Variants in TRAPPC8 observed in about 807,000 individuals in gnomAD.
TRAPPC8 encodes trafficking protein particle complex subunit 8, also known as general sporulation gene 1 homolog.
A neutral mutation model predicts 174.3 loss-of-function variants in TRAPPC8; 54 were observed. The ratio of observed to expected loss-of-function variants is 0.31; its 90% CI spans 0.25 to 0.39. TRAPPC8 has a LOEUF of 0.39. TRAPPC8 is among the 10% of genes least tolerant of loss of function. TRAPPC8 has a pLI of 1.00. For missense variants in TRAPPC8, 1,531 were observed against 1,699.1 expected (o/e 0.90, Z 1.74); for synonymous variants, 630 against 579.9 (o/e 1.09, Z -1.24).
At chr18:31,876,758 T>C (rs185878896) in intron 12 of TRAPPC8, among the ~76,000 whole-genome samples, 90 of 151,988 alleles carry the variant, frequency 5.9e-4, no homozygotes, top group African/African-American at 2.0e-3. Context: ...CCTCTGACCA[T>C]CTGTTCACCA....
At chr18:31,839,505 T>C in intron 26 of TRAPPC8, 48 bp from the exon 27 acceptor site, 1 of 1,502,708 alleles carries the variant, frequency 6.7e-7, no homozygotes, top group Non-Finnish European at 8.9e-7. Context: ...ACTACCTTGT[T>C]TAAAAAAAAA....
chr18:31,893,372 T>G (rs2036042741), intron 11 of TRAPPC8, among the ~76,000 whole-genome samples: 1 of 146,684 alleles, frequency 6.8e-6, no homozygotes, highest in African/African-American at 2.5e-5. Flanking sequence ...TCCTAGTATT[T>G]GCTTCTAGGT....
In TRAPPC8 at chr18:31,857,995, G is replaced by A. The variant is rs769630758; in HGVS notation, c.2746-13C>T. 1.2e-5 allele frequency: 19 copies of A among 1,550,090 alleles called. No homozygotes were observed. In the East Asian group the frequency reaches 4.3e-4, roughly 35 times the overall value. On this transcript the variant is annotated splice_polypyrimidine_tract_variant and intron_variant, in intron 19 of 28. Transcript: ENST00000283351. Reference sequence around the variant, plus strand: ...GTATAAAGAACACCTGCATTGGAGGGAAAAAATATTATTATTTGTCTGTTA... The same window carrying A: ...GTATAAAGAACACCTGCATTGGAGGAAAAAAATATTATTATTTGTCTGTTA...
Position 31,857,695 on chromosome 18 carries a change from T to C in TRAPPC8, c.3033A>G (p.Gln1011=), listed in dbSNP as rs778651622. Residue 1011 remains glutamine, a synonymous_variant, in exon 20 of 29, where the codon CAA becomes CAG. Coordinates refer to ENST00000283351, the MANE Select transcript of TRAPPC8 (RefSeq NM_014939.5). ...GAAGGGGAACAGGAATCACCTCTGG[T>C]TGACTTCCTGTGCCAATGCCAAAGT... ...SVDFGIGTGS[Q]PEVIPVPLPD... 40 of 1,614,066 alleles carry C rather than the reference T, an allele frequency of 2.5e-5. 1 individual carries two copies. The South Asian group carries it at 4.0e-4, about 16-fold the overall frequency.
chr18:31,937,273 G>A (rs1480609615), intron 1 of TRAPPC8, among the ~76,000 whole-genome samples: 2 of 152,232 alleles, frequency 1.3e-5, no homozygotes, highest in Non-Finnish European at 2.9e-5. Context: ...GCTCGCGCCT[G>A]TAATCAAAGC....
At chr18:31,893,000 G>C (rs1211255236) in intron 11 of TRAPPC8, among the ~76,000 whole-genome samples, 2 of 144,644 alleles carry the variant, frequency 1.4e-5, no homozygotes, top group African/African-American at 5.1e-5. Flanking sequence ...CTTGGTGAAC[G>C]AATGACGCCT....
At chr18:31,936,902 T>TAAAAA (rs376783471) in intron 1 of TRAPPC8, among the ~76,000 whole-genome samples, 5 of 92,518 alleles carry the variant, frequency 5.4e-5, no homozygotes, top group South Asian at 4.7e-4. Flanking sequence ...ACTCCGTCTT[T>TAAAAA]AAAAAAAAAA....
chr18:31,904,735 A>G (rs1439073391), intron 9 of TRAPPC8, among the ~76,000 whole-genome samples: 1 of 152,106 alleles, frequency 6.6e-6, no homozygotes, highest in African/African-American at 2.4e-5. Flanking sequence ...ACAGCTCTAA[A>G]ACATGTTTTC....
chr18:31,917,481 C>A (rs149115107), intron 3 of TRAPPC8, 97 bp downstream of exon 3: 2 of 1,030,508 alleles, frequency 1.9e-6, no homozygotes, highest in East Asian at 2.4e-5. Flanking sequence ...TTTATCTATT[C>A]TCTGTATCTT....
intron 9 of TRAPPC8, among the ~76,000 whole-genome samples, chr18:31,902,917 C>T (rs1042330254): frequency 1.7e-4 from 26 of 151,874 alleles, no homozygotes; most frequent in African/African-American, 5.3e-4. Context: ...GGCAAGGTGG[C>T]GGGCGCCTGT....
At chr18:31,931,888 T>C (rs1353906572) in intron 1 of TRAPPC8, among the ~76,000 whole-genome samples, 1 of 152,124 alleles carries the variant, frequency 6.6e-6, no homozygotes, top group East Asian at 1.9e-4. Context: ...GTATTAACAC[T>C]AGAAACAGTA....
At chr18:31,863,153 CAG>C (rs2034420039) in intron 19 of TRAPPC8, among the ~76,000 whole-genome samples, 1 of 151,390 alleles carries the variant, frequency 6.6e-6, no homozygotes, top group Non-Finnish European at 1.5e-5. Context: ...TATCAGTTAT[CAG>C]AGAAATGTAA....
chr18:31,913,785 C>T (rs1408132496), intron 4 of TRAPPC8, among the ~76,000 whole-genome samples: 4 of 152,028 alleles, frequency 2.6e-5, no homozygotes, highest in East Asian at 3.9e-4. Context: ...AAGTGTGTTC[C>T]GTGGAATAAA....
At position 31,866,983 on chromosome 18, in the gene TRAPPC8, G is replaced by GATAA; in HGVS notation, c.2464-9_2464-8insTTAT. On this transcript the variant is annotated splice_polypyrimidine_tract_variant and intron_variant, in intron 17 of 28. Transcript: ENST00000283351. ...AAAGAGCTTTAGTCTTGCCTGTGGAGATATTTAAGTCAGTCTTATTATGTT... is the reference window on the plus strand; with the variant it reads ...AAAGAGCTTTAGTCTTGCCTGTGGAGATAAATATTTAAGTCAGTCTTATTATGTT... The GATAA allele has an allele frequency of 6.2e-7, 1 of 1,612,092 alleles. No individual in the cohort carries two copies. Among genetic ancestry groups the GATAA allele is most frequent in the East Asian group, 2.2e-5 (1 of 44,744 alleles).
rs188524365 is a variant in TRAPPC8, at chr18:31,909,904, T to G, written c.772-144A>C. ...GTGAGCATTTTCTCGTCCTCCAAAT[T>G]CATAACTTCTTCCATGGATCTTATT... On this transcript the variant is annotated intron_variant, in intron 5 of 28. Transcript: ENST00000283351. 3.1e-3 allele frequency: 1,651 copies of G among 524,698 alleles called. 9 individuals are homozygous for G. Among genetic ancestry groups the G allele is most frequent in the Non-Finnish European group, 3.1e-3 (965 of 310,028 alleles). 32.5% of individuals were successfully genotyped at this position (524,698 alleles called of 1,614,324 possible).
At position 31,855,767 on chromosome 18, in the gene TRAPPC8, G is replaced by T. The variant is rs775221359; in HGVS notation, c.3229C>A (p.Arg1077=). The T allele has an allele frequency of 2.5e-6, 4 of 1,602,806 alleles. No homozygotes were observed. The South Asian group carries it at 4.5e-5, about 18-fold the overall frequency. The change falls in exon 21 of 29, where the codon CGG becomes AGG. Residue 1077 remains arginine, a synonymous_variant. Coordinates refer to ENST00000283351, the MANE Select transcript of TRAPPC8 (RefSeq NM_014939.5). The stretch of plus-strand genomic sequence containing the variant: ...ACAGTGGCCCGTACATTTAAAGACC[G>T]ACTGGTACAAATAATTGCAGTGTGT... ...LRHTAIICTS[R]SLNVRATVCR...
intron 12 of TRAPPC8, among the ~76,000 whole-genome samples, chr18:31,876,729 CTT>C: frequency 1.3e-5 from 2 of 152,202 alleles, no homozygotes; most frequent in East Asian, 3.9e-4. Flanking sequence ...AGTGGGAGTA[CTT>C]CTCTGCTGCC....
intron 19 of TRAPPC8, among the ~76,000 whole-genome samples, chr18:31,863,890 G>A (rs1348680154): frequency 1.3e-5 from 2 of 151,824 alleles, no homozygotes; most frequent in African/African-American, 2.4e-5. Context: ...CAAAAGCAAT[G>A]CTTTCTAGAG....
At chr18:31,917,745 T>C (rs2145548408) in intron 2 of TRAPPC8, 78 bp from the exon 3 acceptor site, 2 of 1,348,738 alleles carry the variant, frequency 1.5e-6, no homozygotes, top group East Asian at 2.3e-5. Flanking sequence ...CAAGTCCATA[T>C]TCCTAAAAGG....
Sources: gnomAD v4.1 joint callset for allele counts (sites outside exome capture counted in the v4.1 genomes callset) on GRCh38, gnomAD v4.1.1 for gene constraint, MANE v1.5 for transcripts, NCBI Gene and HGNC (gene_info 2026-07-23, HGNC 2026-07-21) for gene names.